Variants in TMED3 observed in about 807,000 individuals in gnomAD.
TMED3 encodes the protein transmembrane emp24 domain-containing protein 3.
TMED3 carries 9 observed loss-of-function variants against 15.0 expected under a neutral mutation model. The observed-to-expected ratio is 0.60, with a 90% confidence interval of 0.36 to 1.04. TMED3 has a LOEUF of 1.04. Ranked by LOEUF, TMED3 falls within the 50% of genes least tolerant of loss-of-function variation. The pLI, the probability that TMED3 is intolerant of heterozygous loss-of-function variation, is 0.01. For synonymous variants in TMED3, 117 were observed against 121.4 expected, an observed-to-expected ratio of 0.96 and a Z score of 0.24; for missense variants, 267 against 278.9, an observed-to-expected ratio of 0.96 and a Z score of 0.30.
intron 2 of TMED3, among the ~76,000 whole-genome samples, chr15:79,341,981 G>A (rs1394622341): frequency 6.6e-6 from 1 of 152,208 alleles, no homozygotes; most frequent in East Asian, 1.9e-4. Flanking sequence ...AGAAACCTTG[G>A]TTGGTACAAA....
chr15:79,346,274 A>T (rs1364181115), intron 2 of TMED3, among the ~76,000 whole-genome samples: 1 of 152,098 alleles, frequency 6.6e-6, no homozygotes, highest in Admixed American at 6.5e-5. Flanking sequence ...TAGGGTTTTG[A>T]TATGGTTAGA....
intron 2 of TMED3, among the ~76,000 whole-genome samples, chr15:79,374,423 C>T (rs1186398576): frequency 1.3e-5 from 2 of 152,124 alleles, no homozygotes; most frequent in African/African-American, 2.4e-5. Flanking sequence ...CTTTGGAATG[C>T]CCTTGGCCAA....
intron 2 of TMED3, among the ~76,000 whole-genome samples, chr15:79,339,187 C>G (rs775644780): frequency 1.1e-4 from 16 of 152,236 alleles, no homozygotes; most frequent in Non-Finnish European, 1.9e-4. Context: ...TCTGCCTCAG[C>G]TGCCAGGCAG....
intron 2 of TMED3, among the ~76,000 whole-genome samples, chr15:79,352,992 ATGT>A (rs2058898445): frequency 9.0e-6 from 1 of 111,266 alleles, no homozygotes; most frequent in African/African-American, 3.5e-5. Flanking sequence ...ATTATATATT[ATGT>A]TATATAAAAT....
intron 2 of TMED3, among the ~76,000 whole-genome samples, chr15:79,380,545 A>G (rs1893510635): frequency 6.8e-6 from 1 of 146,926 alleles, no homozygotes; most frequent in Non-Finnish European, 1.5e-5. Context: ...GTAGTTATAT[A>G]TATAGTTGTA....
At chr15:79,383,249 T>C in intron 2 of TMED3, 1 of 557,232 alleles carries the variant, frequency 1.8e-6, no homozygotes, top group Non-Finnish European at 3.2e-6. Context: ...TGTGGCTGCC[T>C]TTGCTATCTT....
At chr15:79,319,654 G>A (rs1192577312) in intron 2 of TMED3, among the ~76,000 whole-genome samples, 1 of 152,160 alleles carries the variant, frequency 6.6e-6, no homozygotes, top group Non-Finnish European at 1.5e-5. Context: ...ACTGGTAGTG[G>A]CCCCGAATGC....
At chr15:79,342,389 G>A (rs1018107212) in intron 2 of TMED3, among the ~76,000 whole-genome samples, 3 of 152,034 alleles carry the variant, frequency 2.0e-5, no homozygotes, top group Non-Finnish European at 4.4e-5. Context: ...AAATAAAGCA[G>A]TGTCACAACT....
At chr15:79,327,082 C>T (rs912733392), downstream of TMED3, among the ~76,000 whole-genome samples, 15 of 152,188 alleles carry the variant, frequency 9.9e-5, no homozygotes, top group Admixed American at 2.6e-4. Context: ...TCACTCACTA[C>T]AGCAAGGACA....
intron 2 of TMED3, among the ~76,000 whole-genome samples, chr15:79,400,808 C>T (rs757368999): frequency 1.1e-4 from 16 of 152,168 alleles, no homozygotes; most frequent in Non-Finnish European, 1.5e-4. Context: ...GACCTTTCCA[C>T]GTCTGATCTT....
At chr15:79,386,010 A>G (rs1022438398) in intron 2 of TMED3, among the ~76,000 whole-genome samples, 2 of 152,228 alleles carry the variant, frequency 1.3e-5, no homozygotes, top group Non-Finnish European at 2.9e-5. Context: ...AGACCAGGGG[A>G]GAAATTTGCA....
chr15:79,372,202 G>C (rs549223773), intron 2 of TMED3, among the ~76,000 whole-genome samples: 11 of 152,334 alleles, frequency 7.2e-5, no homozygotes, highest in African/African-American at 2.4e-4. Context: ...TAAGTAGAAG[G>C]CTTATTGGTC....
Position 79,393,788 on chromosome 15 carries a change from C to T in TMED3, c.418-17612C>T, listed in dbSNP as rs150651648. On this transcript the variant is annotated intron_variant, in intron 2 of 2. Transcript: ENST00000424155. The stretch of plus-strand genomic sequence containing the variant: ...TCAGCTCACTGCAACCTCTGCCTCC[C>T]GGGCTCAAGCCATACTCCCACCTCA... Among the ~76,000 whole-genome samples the T allele has an allele frequency of 4.8e-3, 735 of 152,234 alleles. 9 individuals carry two copies. The highest frequency in any genetic ancestry group is 0.017 in the African/African-American group (708 of 41,522).
At chr15:79,391,373 A>G (rs1245154432) in intron 2 of TMED3, among the ~76,000 whole-genome samples, 5 of 152,232 alleles carry the variant, frequency 3.3e-5, no homozygotes, top group Non-Finnish European at 7.4e-5. Context: ...GTGTATTTTC[A>G]TAATTTTGAA....
chr15:79,405,630 T>C lies in TMED3; in HGVS notation c.418-5770T>C, dbSNP rs193180384. 7.9e-5 allele frequency among the ~76,000 whole-genome samples: 12 copies of C among 152,334 alleles called. No individual in the cohort carries two copies. In the East Asian group the frequency reaches 2.1e-3, roughly 27 times the overall value. ...ACTGAATGCCTGGAAGCATCACCAA[T>C]GTGACCAGCCCCTGAATTTTCATGG... On this transcript the variant is annotated intron_variant, in intron 2 of 2. Coordinates refer to the TMED3 transcript ENST00000424155.
intron 2 of TMED3, among the ~76,000 whole-genome samples, chr15:79,377,303 A>T (rs955979565): frequency 2.1e-5 from 3 of 142,032 alleles, no homozygotes; most frequent in Non-Finnish European, 4.6e-5. Flanking sequence ...TGTGTGAGAG[A>T]GAGAGAGAGA....
At chr15:79,411,165 C>A (rs1164923639) in intron 2 of TMED3, among the ~76,000 whole-genome samples, 1 of 152,182 alleles carries the variant, frequency 6.6e-6, no homozygotes, top group Non-Finnish European at 1.5e-5. Flanking sequence ...AAAACAGGAA[C>A]TAGAGCCTGT....
chr15:79,312,684 T>TA (rs2058720968), intron 1 of TMED3, among the ~76,000 whole-genome samples: 1 of 152,206 alleles, frequency 6.6e-6, no homozygotes, highest in Admixed American at 6.5e-5. Flanking sequence ...TTTCTTATGT[T>TA]ACAAGGAGAG....
chr15:79,313,524 C>G (rs1005517853), intron 1 of TMED3, among the ~76,000 whole-genome samples: 4 of 152,192 alleles, frequency 2.6e-5, no homozygotes, highest in African/African-American at 9.7e-5. Context: ...ACTTGGGAGT[C>G]AGGCAGGCAT....
Sources: gnomAD v4.1 joint callset for allele counts (sites outside exome capture counted in the v4.1 genomes callset) on GRCh38, gnomAD v4.1.1 for gene constraint, MANE v1.5 for transcripts, NCBI Gene and HGNC (gene_info 2026-07-23, HGNC 2026-07-21) for gene names.